The following KANK4 variants were observed in gnomAD, a reference collection of about 807,000 sequenced individuals.
KANK4 encodes the protein KN motif and ankyrin repeat domain-containing protein 4.
In KANK4, 50 loss-of-function variants were observed where a neutral mutation model predicts 80.8. The ratio of observed to expected loss-of-function variants is 0.62; its 90% confidence interval spans 0.49 to 0.78. The LOEUF (loss-of-function observed/expected upper bound fraction) is 0.78, where lower values mean the gene tolerates loss of function less well. KANK4 is among the 30% of genes least tolerant of loss of function. The probability of loss-of-function intolerance (pLI) is 0.00; values close to 1 mark genes in which losing one functional copy is unlikely to be tolerated. For synonymous variants in KANK4, 465 were observed against 506.9 expected (o/e 0.92, Z 1.11); for missense variants, 1,196 against 1,240.1 (o/e 0.96, Z 0.53).
chr1:62,258,905 A>G (rs1671814227), intron 7 of KANK4, among the ~76,000 whole-genome samples: 1 of 152,332 alleles, frequency 6.6e-6, no homozygotes, highest in Admixed American at 6.5e-5. Flanking sequence ...GAAGAGCCTC[A>G]GGGGGAAGAG....
chr1:62,247,325 G>A (rs1671489483), intron 9 of KANK4, 147 bp downstream of exon 9: 3 of 563,652 alleles, frequency 5.3e-6, no homozygotes, highest in African/African-American at 4.7e-5. Context: ...TTTTTTAAGA[G>A]ATGGGGGTCT....
intron 1 of KANK4, among the ~76,000 whole-genome samples, chr1:62,292,121 C>A (rs1244936547): frequency 6.6e-6 from 1 of 152,188 alleles, no homozygotes; most frequent in Non-Finnish European, 1.5e-5. Flanking sequence ...ATTGAGGACA[C>A]TGCCTACAAA....
intron 1 of KANK4, among the ~76,000 whole-genome samples, chr1:62,309,469 G>T (rs1644480606): frequency 6.6e-6 from 1 of 152,100 alleles, no homozygotes; most frequent in East Asian, 1.9e-4. Context: ...AGTGAAGTAG[G>T]ATCTTTTACC....
At chr1:62,241,857 C>T (rs566296850) in intron 9 of KANK4, among the ~76,000 whole-genome samples, 4 of 152,244 alleles carry the variant, frequency 2.6e-5, no homozygotes, top group African/African-American at 7.2e-5. Context: ...ACAGTGTTTA[C>T]GGAGAAGAGC....
chr1:62,293,754 G>A (rs773493993), intron 1 of KANK4, among the ~76,000 whole-genome samples: 47 of 152,310 alleles, frequency 3.1e-4, no homozygotes, highest in Admixed American at 5.2e-4. Flanking sequence ...CAGGAAGGGC[G>A]TTTTGGTATT....
rs745763282 is a variant in KANK4 at position 62,253,166 on chromosome 1, G to A, written c.2583C>T (p.Ala861=). 3.7e-6 allele frequency: 6 copies of A among 1,613,126 alleles called. No homozygotes were observed. The East Asian group carries it at 6.7e-5, about 18-fold the overall frequency. ...CGGAAGCCAAGGGAGTGATCATTACGGCAGTGTAGCCAGCTTTGTTCTGAT... is the reference window on the plus strand; with the variant it reads ...CGGAAGCCAAGGGAGTGATCATTACAGCAGTGTAGCCAGCTTTGTTCTGAT... ...VDHQNKAGYT[A]VMITPLASAE... Residue 861 remains alanine, a synonymous_variant, in exon 8 of 10, where the codon GCC becomes GCT. Coordinates refer to ENST00000371153, the MANE Select transcript of KANK4 (RefSeq NM_181712.5).
intron 1 of KANK4, among the ~76,000 whole-genome samples, chr1:62,294,134 T>G (rs2149162188): frequency 6.6e-6 from 1 of 152,356 alleles, no homozygotes; most frequent in Middle Eastern, 3.4e-3. Flanking sequence ...GAGTATTTGC[T>G]GCATTACTTT....
chr1:62,259,580 T>C (rs1671830640), intron 7 of KANK4, among the ~76,000 whole-genome samples: 2 of 152,102 alleles, frequency 1.3e-5, no homozygotes, highest in African/African-American at 2.4e-5. Flanking sequence ...CCTGGACCAG[T>C]ATTGACTTTA....
intron 1 of KANK4, among the ~76,000 whole-genome samples, chr1:62,316,845 C>T (rs556285193): frequency 2.6e-5 from 4 of 152,168 alleles, no homozygotes; most frequent in African/African-American, 7.2e-5. Context: ...TTAAGGTGCT[C>T]AGTGTAGCTG....
intron 1 of KANK4, among the ~76,000 whole-genome samples, chr1:62,282,892 G>C (rs1421113200): frequency 1.3e-5 from 2 of 152,224 alleles, no homozygotes; most frequent in Non-Finnish European, 2.9e-5. Flanking sequence ...CAGTGCACCA[G>C]CACATCCTGG....
chr1:62,262,527 C>T (rs539268308), intron 7 of KANK4, among the ~76,000 whole-genome samples: 2 of 152,150 alleles, frequency 1.3e-5, no homozygotes, highest in Non-Finnish European at 2.9e-5. Flanking sequence ...ATGGAATCAA[C>T]CTAAATGCCT....
chr1:62,253,133 G>A lies in KANK4; in HGVS notation c.2616C>T (p.Thr872=). 2 of 1,613,864 alleles carry A rather than the reference G, an allele frequency of 1.2e-6. No homozygotes were observed. Among genetic ancestry groups the A allele is most frequent in the Non-Finnish European group, 1.7e-6 (2 of 1,179,908 alleles). ...TCCAGACAACAGCCATGTCTTCATT[G>A]GTCTCTGCGGAAGCCAAGGGAGTGA... ...VMITPLASAE[T]NEDMAVVWKL... is the part of the protein sequence containing the mutation. The change falls in exon 8 of 10, where the codon ACC becomes ACT. Residue 872 remains threonine, a synonymous_variant. Transcript: ENST00000371153.
At chr1:62,271,974 G>A (rs1672174299) in intron 3 of KANK4, 1 of 191,930 alleles carries the variant, frequency 5.2e-6, no homozygotes, top group Admixed American at 5.3e-5. Context: ...CACCTCAGTG[G>A]TCCTTCCTGG....
In KANK4 at chr1:62,263,506, T is replaced by C. The variant is rs910254437; in HGVS notation, c.2320-195A>G. 6 of 577,664 alleles carry C rather than the reference T, an allele frequency of 1.0e-5. No individual in the cohort carries two copies. The Admixed American group carries it at 1.4e-4, about 14-fold the overall frequency. The allele number at this position is 577,664 out of a possible 1,614,324, so 35.8% of individuals were successfully genotyped here. ...CTTTGTACTTGTGCGATCAGCCCCCTCTGGGAGTGGAAAGGAAGACTGGGA... is the reference window on the plus strand; with the variant it reads ...CTTTGTACTTGTGCGATCAGCCCCCCCTGGGAGTGGAAAGGAAGACTGGGA... On this transcript the variant is annotated intron_variant, in intron 6 of 9. Transcript: ENST00000371153.
chr1:62,296,710 C>G (rs1252431284), intron 1 of KANK4, among the ~76,000 whole-genome samples: 1 of 151,894 alleles, frequency 6.6e-6, no homozygotes, highest in Non-Finnish European at 1.5e-5. Flanking sequence ...CACCACCATG[C>G]CCGGCTAATT....
intron 7 of KANK4, among the ~76,000 whole-genome samples, chr1:62,256,583 A>G (rs1161702081): frequency 1.3e-5 from 2 of 152,006 alleles, no homozygotes; most frequent in East Asian, 3.9e-4. Context: ...GGGTTTCTCC[A>G]TGTTGGTCAG....
At chr1:62,286,957 AG>A (rs1234525364) in intron 1 of KANK4, among the ~76,000 whole-genome samples, 1 of 152,212 alleles carries the variant, frequency 6.6e-6, no homozygotes, top group African/African-American at 2.4e-5. Flanking sequence ...AAAGCAAGGA[AG>A]TACCTGCTGT....
At chr1:62,262,771 C>T (rs1414157086) in intron 7 of KANK4, among the ~76,000 whole-genome samples, 1 of 152,028 alleles carries the variant, frequency 6.6e-6, no homozygotes, top group Non-Finnish European at 1.5e-5. Context: ...AACGGAAAAC[C>T]AAATACTGCA....
At chr1:62,283,794 G>A (rs966930607) in intron 1 of KANK4, among the ~76,000 whole-genome samples, 7 of 152,036 alleles carry the variant, frequency 4.6e-5, no homozygotes, top group East Asian at 3.9e-4. Flanking sequence ...TCAATCACAC[G>A]CCTAGCCTTT....
Sources: allele counts gnomAD v4.1 joint callset (sites outside exome capture counted in the v4.1 genomes callset), GRCh38; gene constraint gnomAD v4.1.1; transcripts MANE v1.5; gene names NCBI Gene and HGNC (gene_info 2026-07-23, HGNC 2026-07-21).